The following ADD3 variants were observed in gnomAD, a reference collection of about 807,000 sequenced individuals.
ADD3 encodes the protein gamma-adducin.
Under a neutral mutation model 80.2 loss-of-function variants are expected in ADD3, and 25 were observed. The observed-to-expected ratio is 0.31, with a 90% CI of 0.23 to 0.44. The LOEUF (loss-of-function observed/expected upper bound fraction) is 0.44, where lower values mean the gene tolerates loss of function less well. Among genes scored for constraint, ADD3 ranks in the 20% least tolerant of loss-of-function variants. The pLI is 1.00. For synonymous variants in ADD3, 284 were observed against 289.6 expected, an observed-to-expected ratio of 0.98 and a Z score of 0.20; for missense variants, 829 against 847.5, an observed-to-expected ratio of 0.98 and a Z score of 0.27.
At chr10:110,029,541 T>C (rs1009399107) in intron 1 of ADD3, among the ~76,000 whole-genome samples, 1 of 152,214 alleles carries the variant, frequency 6.6e-6, no homozygotes, top group African/African-American at 2.4e-5. Flanking sequence ...AAATTTGAAA[T>C]ACTGAAAAGT....
At chr10:110,029,455 C>T (rs574281121) in intron 1 of ADD3, among the ~76,000 whole-genome samples, 1 of 152,278 alleles carries the variant, frequency 6.6e-6, no homozygotes, top group South Asian at 2.1e-4. Context: ...ACAATGTGTT[C>T]TGAATCTGTT....
chr10:110,116,138 A>C, intron 3 of ADD3, 121 bp from the exon 4 acceptor site: 1 of 878,472 alleles, frequency 1.1e-6, no homozygotes, highest in East Asian at 2.6e-5. Flanking sequence ...TGGGCTGATA[A>C]ATTTCAGATT....
intron 13 of ADD3, 86 bp from the exon 14 acceptor site, chr10:110,132,219 C>A: frequency 1.2e-6 from 1 of 810,296 alleles, no homozygotes; most frequent in Non-Finnish European, 2.1e-6. Context: ...TGTATACAGG[C>A]ATTTGATGTA....
chr10:110,133,299 C>A (rs540841962), intron 14 of ADD3, 27 bp from the exon 15 acceptor site: 1 of 1,545,556 alleles, frequency 6.5e-7, no homozygotes, highest in Admixed American at 2.0e-5. Context: ...TGTAAAATAA[C>A]CCCCAAAAAA....
intron 1 of ADD3, among the ~76,000 whole-genome samples, chr10:109,998,874 T>C (rs1157916963): frequency 6.6e-6 from 1 of 152,186 alleles, no homozygotes; most frequent in African/African-American, 2.4e-5. Flanking sequence ...TGGCCTATTT[T>C]ACTTTCTTCT....
intron 1 of ADD3, among the ~76,000 whole-genome samples, chr10:110,033,940 C>A (rs990242649): frequency 3.9e-5 from 6 of 152,206 alleles, no homozygotes; most frequent in Non-Finnish European, 8.8e-5. Context: ...AAACTACTTT[C>A]TGTACCATCT....
chr10:110,130,233 TC>T, intron 12 of ADD3, 129 bp from the exon 13 acceptor site: 1 of 926,102 alleles, frequency 1.1e-6, no homozygotes, highest in Non-Finnish European at 1.6e-6. Context: ...ACCTTGCATT[TC>T]TTAGGATTGT....
At chr10:110,121,945 C>T (rs780147848) in intron 8 of ADD3, 165 bp from the exon 9 acceptor site, 5 of 511,024 alleles carry the variant, frequency 9.8e-6, no homozygotes, top group South Asian at 4.7e-5. Context: ...GGAAAAGATA[C>T]TTCAGCTGTC....
chr10:110,090,929 C>G (rs1040479478), intron 1 of ADD3, among the ~76,000 whole-genome samples: 1 of 152,018 alleles, frequency 6.6e-6, no homozygotes, highest in Non-Finnish European at 1.5e-5. Context: ...TTTATTATTT[C>G]CTGGACTTTA....
In ADD3 at chr10:110,118,697, T is replaced by G. The variant is rs1477690632; in HGVS notation, c.678T>G (p.Val226=). The stretch of plus-strand genomic sequence containing the variant: ...CAATCTATTCAACACGTCCTGATGT[T>G]AAGTGTGTGATACACATCCATACCC... The part of the protein sequence containing the change: ...HAAIYSTRPD[V]KCVIHIHTLA... Residue 226 remains valine, a synonymous_variant, in exon 6 of 15, where the codon GTT becomes GTG. Coordinates refer to ENST00000356080, the MANE Select transcript of ADD3 (RefSeq NM_016824.5). 6.2e-7 allele frequency: 1 copy of G among 1,614,160 alleles called. No individual in the cohort carries two copies. Among genetic ancestry groups the G allele is most frequent in the Non-Finnish European group, 8.5e-7 (1 of 1,180,010 alleles).
chr10:110,064,785 A>G (rs1044670853), intron 1 of ADD3, among the ~76,000 whole-genome samples: 2 of 152,154 alleles, frequency 1.3e-5, no homozygotes, highest in African/African-American at 4.8e-5. Context: ...CCAGGGTATT[A>G]GTTCACCTTG....
At chr10:110,099,852 G>A (rs1232619820) in intron 1 of ADD3, among the ~76,000 whole-genome samples, 4 of 152,184 alleles carry the variant, frequency 2.6e-5, no homozygotes, top group African/African-American at 7.2e-5. Flanking sequence ...TTAAAAATTC[G>A]TTCTTTGCAG....
At chr10:110,090,187 T>C (rs2133856914) in intron 1 of ADD3, among the ~76,000 whole-genome samples, 1 of 151,988 alleles carries the variant, frequency 6.6e-6, no homozygotes, top group South Asian at 2.1e-4. Context: ...TGTTGAATGA[T>C]TATGTTGATA....
At chr10:110,023,274 C>G (rs376996288) in intron 1 of ADD3, among the ~76,000 whole-genome samples, 2 of 152,152 alleles carry the variant, frequency 1.3e-5, no homozygotes, top group African/African-American at 4.8e-5. Flanking sequence ...ACTCCTTCCT[C>G]CATGTGATGA....
intron 6 of ADD3, 25 bp from the exon 7 acceptor site, chr10:110,119,186 T>A: frequency 6.2e-7 from 1 of 1,611,642 alleles, no homozygotes; most frequent in Non-Finnish European, 8.5e-7. Flanking sequence ...AAATGTGTTA[T>A]CTTGGTATGG....
intron 2 of ADD3, among the ~76,000 whole-genome samples, chr10:110,103,982 C>T (rs1311028983): frequency 1.3e-5 from 2 of 152,152 alleles, no homozygotes; most frequent in African/African-American, 4.8e-5. Flanking sequence ...AGTCTTATCC[C>T]ATTCCAACAT....
upstream of ADD3, among the ~76,000 whole-genome samples, chr10:110,002,928 A>G (rs541404958): frequency 3.9e-5 from 6 of 152,334 alleles, no homozygotes; most frequent in African/African-American, 1.2e-4. Flanking sequence ...CCCTGATTAT[A>G]TCTCCTTGGG....
At position 110,124,211 on chromosome 10, in the gene ADD3, C is replaced by T. The variant is rs772346155; in HGVS notation, c.1338C>T (p.Tyr446=). The T allele has an allele frequency of 9.9e-6, 16 of 1,614,192 alleles. 1 individual carries two copies. Among genetic ancestry groups the T allele is most frequent in the South Asian group, 7.7e-5 (7 of 91,084 alleles). ...KTRWLNSPNT[Y]MKVNVPEESR... is the part of the protein sequence containing the mutation. ...GATGGCTGAACTCACCAAATACTTA[C>T]ATGAAAGTGAATGTGCCTGAGGAGT... The change falls in exon 10 of 15, where the codon TAC becomes TAT. Residue 446 remains tyrosine (Y), a synonymous_variant. Transcript: ENST00000356080.
At chr10:110,125,756 C>A in intron 10 of ADD3, 70 bp from the exon 11 acceptor site, 3 of 1,188,464 alleles carry the variant, frequency 2.5e-6, no homozygotes, top group Non-Finnish European at 3.5e-6. Context: ...AGACTATAAG[C>A]AGTTATCTAA....
Sources: allele counts gnomAD v4.1 joint callset (sites outside exome capture counted in the v4.1 genomes callset), GRCh38; gene constraint gnomAD v4.1.1; transcripts MANE v1.5; gene names NCBI Gene and HGNC (gene_info 2026-07-23, HGNC 2026-07-21).